NKAIN2: variants seen among roughly 807,000 people sequenced by gnomAD.
NKAIN2 encodes the protein sodium/potassium-transporting ATPase subunit beta-1-interacting protein 2.
A neutral mutation model predicts 32.6 loss-of-function variants in NKAIN2; 14 were observed. That is an observed-to-expected ratio of 0.43 (90% CI 0.28 to 0.67). The LOEUF (loss-of-function observed/expected upper bound fraction) is 0.67, where lower values mean the gene tolerates loss of function less well. Among genes scored for constraint, NKAIN2 ranks in the 30% least tolerant of loss-of-function variants. The pLI, the probability that NKAIN2 is intolerant of heterozygous loss-of-function variation, is 0.17. For missense variants in NKAIN2, 198 were observed against 258.3 expected (o/e 0.77, Z 1.60); for synonymous variants, 80 against 87.2 (o/e 0.92, Z 0.46).
chr6:124,367,192 A>G (rs1799557673), intron 3 of NKAIN2, among the ~76,000 whole-genome samples: 2 of 152,182 alleles, frequency 1.3e-5, no homozygotes, highest in South Asian at 4.1e-4. Flanking sequence ...GATACATCAT[A>G]AAACAAATGC....
intron 1 of NKAIN2, among the ~76,000 whole-genome samples, chr6:124,198,665 T>A (rs1306168214): frequency 6.6e-6 from 1 of 152,040 alleles, no homozygotes; most frequent in Admixed American, 6.6e-5. Flanking sequence ...TTGCTCTGCA[T>A]GAGAGAAGAG....
At chr6:124,029,399 A>G (rs1168076075) in intron 1 of NKAIN2, among the ~76,000 whole-genome samples, 4 of 151,704 alleles carry the variant, frequency 2.6e-5, no homozygotes, top group Admixed American at 1.3e-4. Context: ...TTTTATTTAA[A>G]AAAAAAAAAA....
chr6:124,601,994 C>T (rs1209811386), intron 3 of NKAIN2, among the ~76,000 whole-genome samples: 2 of 151,924 alleles, frequency 1.3e-5, no homozygotes, highest in African/African-American at 4.8e-5. Flanking sequence ...TTAATCTCCC[C>T]AATTTTTAGA....
chr6:124,232,814 C>G (rs1330797831), intron 1 of NKAIN2, among the ~76,000 whole-genome samples: 1 of 152,132 alleles, frequency 6.6e-6, no homozygotes, highest in African/African-American at 2.4e-5. Context: ...TATTCTGTTA[C>G]TCACAGTGCT....
chr6:124,297,477 G>A (rs535747714), intron 2 of NKAIN2, among the ~76,000 whole-genome samples: 3 of 152,064 alleles, frequency 2.0e-5, no homozygotes, highest in Non-Finnish European at 4.4e-5. Flanking sequence ...TGGTCTTGGT[G>A]TCTCAGGAGT....
chr6:124,648,458 A>T (rs1583579516), intron 3 of NKAIN2, among the ~76,000 whole-genome samples: 1 of 152,246 alleles, frequency 6.6e-6, no homozygotes, highest in African/African-American at 2.4e-5. Context: ...TTAGAGGCCC[A>T]TATTGAGGAA....
intron 3 of NKAIN2, among the ~76,000 whole-genome samples, chr6:124,439,690 A>C (rs1275062120): frequency 6.6e-6 from 1 of 151,892 alleles, no homozygotes; most frequent in African/African-American, 2.4e-5. Context: ...TATATACTAC[A>C]ACAAAAAATA....
intron 4 of NKAIN2, among the ~76,000 whole-genome samples, chr6:124,747,620 A>ATGGGTGTTGCTTAAACAGT (rs1231759801): frequency 6.6e-6 from 1 of 151,812 alleles, no homozygotes; most frequent in East Asian, 2.0e-4. Context: ...TAGCCCATGT[A>ATGGGTGTTGCTTAAACAGT]TGGGTGTTGC....
intron 1 of NKAIN2, among the ~76,000 whole-genome samples, chr6:123,870,725 G>A (rs945967792): frequency 1.3e-5 from 2 of 152,058 alleles, no homozygotes; most frequent in East Asian, 1.9e-4. Flanking sequence ...TGCCCGGTAC[G>A]ATTCCTTGTT....
intron 3 of NKAIN2, among the ~76,000 whole-genome samples, chr6:124,583,756 T>C (rs1466567943): frequency 6.6e-6 from 1 of 152,144 alleles, no homozygotes; most frequent in Non-Finnish European, 1.5e-5. Flanking sequence ...ACAGAGCTAA[T>C]AGTAACTAAA....
chr6:124,276,281 T>C (rs1235269775), intron 1 of NKAIN2, among the ~76,000 whole-genome samples: 1 of 143,520 alleles, frequency 7.0e-6, no homozygotes, highest in Non-Finnish European at 1.5e-5. Flanking sequence ...TTTTATTTTC[T>C]TCCCCTTGGT....
At chr6:123,970,726 C>CA (rs1480743502) in intron 1 of NKAIN2, among the ~76,000 whole-genome samples, 2 of 151,450 alleles carry the variant, frequency 1.3e-5, no homozygotes, top group Non-Finnish European at 1.5e-5. Context: ...TAAAAAAATA[C>CA]AAAAAATTAG....
At chr6:124,558,860 A>C (rs915084058) in intron 3 of NKAIN2, among the ~76,000 whole-genome samples, 2 of 152,060 alleles carry the variant, frequency 1.3e-5, no homozygotes, top group African/African-American at 4.8e-5. Context: ...GAGGCAGGAG[A>C]ATTGCTTGAA....
chr6:124,188,985 A>G (rs1789883243), intron 1 of NKAIN2, among the ~76,000 whole-genome samples: 1 of 152,210 alleles, frequency 6.6e-6, no homozygotes, highest in Non-Finnish European at 1.5e-5. Flanking sequence ...ATCTCTGAAG[A>G]ATTTATAATA....
In NKAIN2 at chr6:124,551,681, C is replaced by T. The variant is rs138284479; in HGVS notation, c.274-106505C>T. Among the ~76,000 whole-genome samples the T allele has an allele frequency of 2.7e-3, 414 of 152,338 alleles. 2 individuals are homozygous for T. Among genetic ancestry groups the T allele is most frequent in the Middle Eastern group, 0.01 (3 of 294 alleles). On this transcript the variant is annotated intron_variant, in intron 3 of 6. Coordinates refer to ENST00000368417, the MANE Select transcript of NKAIN2 (RefSeq NM_001040214.3). ...ACTAAAATAACAAATTTGAGAATCA[C>T]TGACAGCATCATTGTCAATCTTTTA...
chr6:124,582,159 TA>T (rs1781547552), intron 3 of NKAIN2, among the ~76,000 whole-genome samples: 1 of 150,292 alleles, frequency 6.7e-6, no homozygotes, highest in South Asian at 2.1e-4. Context: ...TACAAATAAA[TA>T]AAACCAGAGA....
At chr6:124,405,626 C>T (rs9398751) in intron 3 of NKAIN2, among the ~76,000 whole-genome samples, 58,794 of 150,742 alleles carry the variant, frequency 0.39, 13,494 homozygotes, top group South Asian at 0.6. Flanking sequence ...GTTGTCCTCC[C>T]GACTCTGCCT....
At chr6:123,968,173 T>C (rs866978558) in intron 1 of NKAIN2, among the ~76,000 whole-genome samples, 1 of 152,138 alleles carries the variant, frequency 6.6e-6, no homozygotes, top group Admixed American at 6.6e-5. Context: ...GTATAATCAC[T>C]GTGAGGCAGG....
intron 4 of NKAIN2, among the ~76,000 whole-genome samples, chr6:124,695,600 G>A (rs1220539417): frequency 6.6e-6 from 1 of 152,186 alleles, no homozygotes; most frequent in African/African-American, 2.4e-5. Flanking sequence ...TTTAAAACGA[G>A]AGTTCTGGCA....
Sources: gnomAD v4.1 joint callset for allele counts (sites outside exome capture counted in the v4.1 genomes callset) on GRCh38, gnomAD v4.1.1 for gene constraint, MANE v1.5 for transcripts, NCBI Gene and HGNC (gene_info 2026-07-23, HGNC 2026-07-21) for gene names.